TMEM181: variants seen among roughly 807,000 people sequenced by gnomAD.
TMEM181 encodes the protein transmembrane protein 181.
In TMEM181, 39 loss-of-function variants were observed where a neutral mutation model predicts 71.9. The ratio of observed to expected loss-of-function variants is 0.54; its 90% CI spans 0.42 to 0.71. The LOEUF is 0.71. Ranked by LOEUF, TMEM181 falls within the 30% of genes least tolerant of loss-of-function variation. The probability of loss-of-function intolerance (pLI) is 0.00; values close to 1 mark genes in which losing one functional copy is unlikely to be tolerated. For missense variants in TMEM181, 595 were observed against 583.0 expected (o/e 1.02, Z -0.21); for synonymous variants, 245 against 228.8 (o/e 1.07, Z -0.64).
exon 1 of TMEM181, chr6:158,536,839 G>C (rs1310235279): frequency 1.3e-6 from 2 of 1,535,012 alleles, no homozygotes; most frequent in Non-Finnish European, 1.7e-6. Context: ...AGGACCTCAC[G>C]CCCTTCAAGG....
chr6:158,568,273 C>A (rs960327254), intron 1 of TMEM181, among the ~76,000 whole-genome samples: 1 of 151,940 alleles, frequency 6.6e-6, no homozygotes, highest in African/African-American at 2.4e-5. Context: ...CAGTTTGAAA[C>A]CTTTTGACCT....
chr6:158,605,504 C>T (rs553794785), intron 7 of TMEM181, among the ~76,000 whole-genome samples, 157 bp downstream of exon 7: 79 of 152,170 alleles, frequency 5.2e-4, no homozygotes, highest in Middle Eastern at 3.4e-3. Context: ...GTGTGTCTGC[C>T]GAGATGCTGC....
chr6:158,624,356 C>T (rs901478383), intron 11 of TMEM181, among the ~76,000 whole-genome samples: 1 of 152,236 alleles, frequency 6.6e-6, no homozygotes, highest in African/African-American at 2.4e-5. Flanking sequence ...GATCCCGATT[C>T]CTGCTGTGCT....
At chr6:158,544,218 T>TGTGTGTGTGTGTGTGTG (rs1554300407) in intron 1 of TMEM181, among the ~76,000 whole-genome samples, 6 of 144,154 alleles carry the variant, frequency 4.2e-5, no homozygotes, top group African/African-American at 7.7e-5. Context: ...TGTGTGTGTG[T>TGTGTGTGTGTGTGTGTG]TGGGGTGAGG....
At chr6:158,558,841 T>C (rs1354616393), upstream of TMEM181, among the ~76,000 whole-genome samples, 2 of 152,128 alleles carry the variant, frequency 1.3e-5, no homozygotes, top group Admixed American at 1.3e-4. Flanking sequence ...GGACCCCTGC[T>C]CTAGCTCATA....
chr6:158,613,132 G>A (rs1785422882), intron 10 of TMEM181, among the ~76,000 whole-genome samples: 1 of 152,214 alleles, frequency 6.6e-6, no homozygotes, highest in African/African-American at 2.4e-5. Flanking sequence ...TGACTTGAGT[G>A]TGATGTATGC....
intron 6 of TMEM181, among the ~76,000 whole-genome samples, chr6:158,593,448 GAAAAC>G (rs1224516112): frequency 2.0e-5 from 3 of 152,058 alleles, no homozygotes; most frequent in African/African-American, 4.8e-5. Flanking sequence ...AAAATTATTT[GAAAAC>G]AAAACAAAAA....
intron 1 of TMEM181, among the ~76,000 whole-genome samples, chr6:158,546,312 C>A (rs1395695083): frequency 6.6e-6 from 1 of 152,218 alleles, no homozygotes; most frequent in Non-Finnish European, 1.5e-5. Context: ...TAGTTCTCAT[C>A]ATTGGCAGCT....
Position 158,554,748 on chromosome 6 carries a change from G to A in TMEM181, c.131+17883G>A, listed in dbSNP as rs191694173. 8.1e-4 allele frequency among the ~76,000 whole-genome samples: 124 copies of A among 152,206 alleles called. 1 individual carries two copies. The highest frequency in any genetic ancestry group is 2.9e-3 in the African/African-American group (119 of 41,532). Reference sequence around the variant, plus strand: ...ATACACGTACATGTGTAAATGCACCGAAACAAATATCCACACACAGAAATA... The same window carrying A: ...ATACACGTACATGTGTAAATGCACCAAAACAAATATCCACACACAGAAATA... On this transcript the variant is annotated intron_variant, in intron 1 of 16. Coordinates refer to the TMEM181 transcript ENST00000367090.
intron 13 of TMEM181, chr6:158,626,709 G>A (rs1407505360): frequency 2.2e-6 from 1 of 457,214 alleles, no homozygotes; most frequent in Admixed American, 2.3e-5. Flanking sequence ...AGTGCTAGGT[G>A]TGCACGTTGT....
chr6:158,611,147 A>G (rs1289228922), intron 10 of TMEM181: 1 of 527,910 alleles, frequency 1.9e-6, no homozygotes, highest in South Asian at 1.4e-5. Flanking sequence ...GTCTGTGACT[A>G]CTCTCCTGTC....
intron 1 of TMEM181, among the ~76,000 whole-genome samples, chr6:158,569,894 G>A (rs1435019755): frequency 6.6e-6 from 1 of 151,998 alleles, no homozygotes; most frequent in Non-Finnish European, 1.5e-5. Flanking sequence ...GTGAGCCACC[G>A]CACCCAGCCT....
intron 6 of TMEM181, among the ~76,000 whole-genome samples, chr6:158,602,129 C>T (rs533257606): frequency 6.6e-6 from 1 of 152,276 alleles, no homozygotes; most frequent in East Asian, 1.9e-4. Context: ...CTGTTATTTG[C>T]ATTTTTTTGA....
chr6:158,571,236 G>A (rs540024253), intron 1 of TMEM181, among the ~76,000 whole-genome samples: 30 of 152,196 alleles, frequency 2.0e-4, no homozygotes, highest in Non-Finnish European at 3.8e-4. Flanking sequence ...AGCTGGGACT[G>A]CAGGCACCCG....
intron 6 of TMEM181, among the ~76,000 whole-genome samples, chr6:158,603,864 T>C (rs1019024171): frequency 6.6e-6 from 1 of 152,222 alleles, no homozygotes; most frequent in African/African-American, 2.4e-5. Flanking sequence ...ACATTATTGA[T>C]TGCTAGGTTT....
intron 14 of TMEM181, among the ~76,000 whole-genome samples, chr6:158,629,456 C>T (rs932881334): frequency 6.6e-6 from 1 of 152,152 alleles, no homozygotes; most frequent in Admixed American, 6.5e-5. Flanking sequence ...GTGCTGGTGA[C>T]AGGAGCGCCA....
At chr6:158,539,715 C>T (rs1436560195) in intron 1 of TMEM181, among the ~76,000 whole-genome samples, 3 of 152,298 alleles carry the variant, frequency 2.0e-5, no homozygotes, top group East Asian at 1.9e-4. Context: ...GGACTCTTGG[C>T]GATTTTCACA....
intron 6 of TMEM181, among the ~76,000 whole-genome samples, chr6:158,601,781 C>T (rs1312488653): frequency 1.3e-5 from 2 of 150,224 alleles, no homozygotes; most frequent in Admixed American, 6.6e-5. Context: ...AAAAACAAGG[C>T]TAAAAGGATA....
chr6:158,631,472 A>G (rs1786662016), intron 16 of TMEM181, 83 bp downstream of exon 16: 1 of 1,440,956 alleles, frequency 6.9e-7, no homozygotes, highest in Non-Finnish European at 9.8e-7. Context: ...TTACTCTTCT[A>G]AAATTATTTT....
Sources: gnomAD v4.1 joint callset for allele counts (sites outside exome capture counted in the v4.1 genomes callset) on GRCh38, gnomAD v4.1.1 for gene constraint, MANE v1.5 for transcripts, NCBI Gene and HGNC (gene_info 2026-07-23, HGNC 2026-07-21) for gene names.